ATP11B: variants seen among roughly 807,000 people sequenced by gnomAD.
ATP11B encodes the protein ATPase phospholipid transporting 11B (putative).
In ATP11B, 81 loss-of-function variants were observed where a neutral mutation model predicts 157.8. That is an observed-to-expected ratio of 0.51 (90% CI 0.43 to 0.62). The LOEUF is 0.62. Ranked by LOEUF, ATP11B falls within the 20% of genes least tolerant of loss-of-function variation. The pLI, the probability that ATP11B is intolerant of heterozygous loss-of-function variation, is 0.00. For missense variants in ATP11B, 1,165 were observed against 1,402.2 expected, an observed-to-expected ratio of 0.83 and a Z score of 2.70; for synonymous variants, 451 against 469.4, an observed-to-expected ratio of 0.96 and a Z score of 0.51.
chr3:182,886,328 G>A (rs1722788770), intron 23 of ATP11B, among the ~76,000 whole-genome samples: 1 of 152,056 alleles, frequency 6.6e-6, no homozygotes, highest in African/African-American at 2.4e-5. Context: ...AATCAAGCCA[G>A]GCCAGATAAC....
chr3:182,889,580 G>C (rs951594838), intron 25 of ATP11B, 32 bp downstream of exon 25: 2 of 1,491,692 alleles, frequency 1.3e-6, no homozygotes, highest in Non-Finnish European at 1.8e-6. Context: ...AAGAATGCTT[G>C]TTAATATTTT....
chr3:182,828,627 CTTAAAT>C (rs1369544368), intron 3 of ATP11B, among the ~76,000 whole-genome samples: 7 of 150,236 alleles, frequency 4.7e-5, no homozygotes, highest in Non-Finnish European at 1.0e-4. Context: ...TTAAATTTAA[CTTAAAT>C]TTAAGTTATT....
chr3:182,882,341 T>A (rs892509309), intron 21 of ATP11B, among the ~76,000 whole-genome samples: 1 of 152,134 alleles, frequency 6.6e-6, no homozygotes, highest in Non-Finnish European at 1.5e-5. Flanking sequence ...ATAAAAAAAA[T>A]TACAGTATTT....
rs1454201709 is a variant in ATP11B at position 182,916,399 on chromosome 3, T to G, written c.3453-1624T>G. The G allele has an allele frequency of 4.1e-6, 4 of 985,242 alleles. No homozygotes were observed. The African/African-American group carries it at 7.0e-5, about 17-fold the overall frequency. The allele number at this position is 985,242 out of a possible 1,614,324, so 61.0% of individuals were successfully genotyped here. A position where few individuals can be genotyped will look rare whatever the true frequency, so the allele number is the denominator to read the frequency against. Reference sequence around the variant, plus strand: ...CCACCAGTGTTTTTATGTGACAGATTTCTTTGGTGATTACATTTGTACCAT... The same window carrying G: ...CCACCAGTGTTTTTATGTGACAGATGTCTTTGGTGATTACATTTGTACCAT... On this transcript the variant is annotated intron_variant, in intron 29 of 29. Transcript: ENST00000323116.
At chr3:182,876,179 G>A (rs1442757368) in intron 19 of ATP11B, among the ~76,000 whole-genome samples, 1 of 152,016 alleles carries the variant, frequency 6.6e-6, no homozygotes, top group Non-Finnish European at 1.5e-5. Flanking sequence ...GAAGTTCAAG[G>A]CTACAGTGAA....
intron 1 of ATP11B, among the ~76,000 whole-genome samples, chr3:182,818,973 T>C (rs1214660490): frequency 1.3e-5 from 2 of 151,268 alleles, no homozygotes; most frequent in Non-Finnish European, 2.9e-5. Flanking sequence ...ATCGTTTTCC[T>C]GTTAGAACCA....
chr3:182,850,824 G>A (rs1195257430), intron 10 of ATP11B, among the ~76,000 whole-genome samples: 4 of 152,048 alleles, frequency 2.6e-5, no homozygotes, highest in Non-Finnish European at 5.9e-5. Flanking sequence ...CAAAGATAAG[G>A]ATTCAATCTA....
At chr3:182,853,662 TAAG>T (rs1378763382) in intron 10 of ATP11B, among the ~76,000 whole-genome samples, 3 of 152,158 alleles carry the variant, frequency 2.0e-5, no homozygotes, top group African/African-American at 7.2e-5. Flanking sequence ...CAAGATAAAT[TAAG>T]AACTAAATAA....
At chr3:182,916,817 T>A in intron 29 of ATP11B, 1 of 985,236 alleles carries the variant, frequency 1.0e-6, no homozygotes, top group Non-Finnish European at 1.2e-6. Context: ...CAGTTTGGAA[T>A]TGGACATCTG....
chr3:182,869,786 C>CA (rs1378288165), intron 17 of ATP11B, among the ~76,000 whole-genome samples: 3 of 152,040 alleles, frequency 2.0e-5, no homozygotes, highest in African/African-American at 7.2e-5. Context: ...AACATGTTCA[C>CA]AAAAAAATCT....
At chr3:182,915,158 T>G (rs1226549596) in intron 29 of ATP11B, 6 of 985,272 alleles carry the variant, frequency 6.1e-6, no homozygotes, top group African/African-American at 1.7e-5. Context: ...TCAGGTAACT[T>G]TTACTGGTGA....
At chr3:182,874,763 G>T (rs1721912530) in intron 19 of ATP11B, among the ~76,000 whole-genome samples, 1 of 152,128 alleles carries the variant, frequency 6.6e-6, no homozygotes, top group Admixed American at 6.5e-5. Flanking sequence ...TTGCCCAAAA[G>T]AAGTATTTTC....
chr3:182,836,764 A>G, intron 6 of ATP11B: 2 of 489,430 alleles, frequency 4.1e-6, no homozygotes, highest in Non-Finnish European at 7.1e-6. Flanking sequence ...ATATTTTCTC[A>G]GTTTTCAGAG....
rs182991475 is a variant in ATP11B at position 182,894,752 on chromosome 3, G to A, written c.2983-1948G>A. Among the ~76,000 whole-genome samples the A allele has an allele frequency of 5.3e-5, 8 of 152,058 alleles. No homozygotes were observed. In the East Asian group the frequency reaches 1.2e-3, roughly 22 times the overall value. ...TACCGTGTAACATACCCCAGTCTAG[G>A]CCCAGTAAAACCAGATACTGAAGGA... On this transcript the variant is annotated intron_variant, in intron 25 of 29. Coordinates refer to ENST00000323116, the MANE Select transcript of ATP11B (RefSeq NM_014616.3).
At chr3:182,805,386 A>G (rs957842682) in intron 1 of ATP11B, among the ~76,000 whole-genome samples, 1 of 150,584 alleles carries the variant, frequency 6.6e-6, no homozygotes, top group East Asian at 1.9e-4. Flanking sequence ...ATGATATCCA[A>G]TTTTTTTTAT....
rs551667624 is a variant in ATP11B, at chr3:182,834,876, G to A, written c.316-1159G>A. On this transcript the variant is annotated intron_variant, in intron 4 of 29. Coordinates refer to ENST00000323116, the MANE Select transcript of ATP11B (RefSeq NM_014616.3). ...AAAACTTAACTACTGATAGTCTACTGTTCATCAGAAGCCTTACCAATATCA... is the reference window on the plus strand; with the variant it reads ...AAAACTTAACTACTGATAGTCTACTATTCATCAGAAGCCTTACCAATATCA... Among the ~76,000 whole-genome samples, 8 of 152,230 alleles carry A rather than the reference G, an allele frequency of 5.3e-5. No homozygotes were observed. The South Asian group carries it at 1.7e-3, about 32-fold the overall frequency.
chr3:182,847,752 T>C (rs928610546), intron 9 of ATP11B, among the ~76,000 whole-genome samples: 1 of 152,206 alleles, frequency 6.6e-6, no homozygotes, highest in Admixed American at 6.5e-5. Context: ...TTTTTTCCCA[T>C]TTAAAGATGG....
At chr3:182,823,085 G>T (rs1311013085) in intron 2 of ATP11B, among the ~76,000 whole-genome samples, 1 of 152,210 alleles carries the variant, frequency 6.6e-6, no homozygotes, top group Non-Finnish European at 1.5e-5. Context: ...TCTGATGGCA[G>T]TTTCTTTTGC....
chr3:182,841,972 C>T (rs1201268689), intron 7 of ATP11B, 103 bp from the exon 8 acceptor site: 7 of 600,116 alleles, frequency 1.2e-5, no homozygotes, highest in African/African-American at 5.1e-5. Flanking sequence ...GAGCAAGACT[C>T]GTCTCAAAAA....
Sources: gnomAD v4.1 joint callset for allele counts (sites outside exome capture counted in the v4.1 genomes callset) on GRCh38, gnomAD v4.1.1 for gene constraint, MANE v1.5 for transcripts, NCBI Gene and HGNC (gene_info 2026-07-23, HGNC 2026-07-21) for gene names.